ABCA1: variants seen among roughly 807,000 people sequenced by gnomAD.
The protein encoded by ABCA1 is ATP binding cassette subfamily A member 1.
In ABCA1, 133 loss-of-function variants were observed where a neutral mutation model predicts 262.5. The observed-to-expected ratio is 0.51, with a 90% CI of 0.44 to 0.59. The LOEUF is 0.59. ABCA1 is among the 20% of genes least tolerant of loss of function. The pLI is 0.00. For missense variants in ABCA1, 2,452 were observed against 2,777.5 expected, an observed-to-expected ratio of 0.88 and a Z score of 2.63; for synonymous variants, 1,022 against 1,043.5, an observed-to-expected ratio of 0.98 and a Z score of 0.40.
intron 1 of ABCA1, among the ~76,000 whole-genome samples, chr9:104,922,712 A>G (rs1842205794): frequency 6.6e-6 from 1 of 152,180 alleles, no homozygotes; most frequent in South Asian, 2.1e-4. Context: ...CACTTTTACA[A>G]GGCAGACATT....
intron 2 of ABCA1, among the ~76,000 whole-genome samples, chr9:104,896,709 A>ATTT (rs1564270342): frequency 3.8e-5 from 3 of 78,268 alleles, no homozygotes; most frequent in African/African-American, 1.6e-4. Flanking sequence ...CTCCCTACAC[A>ATTT]TCTTTTTTTT....
At chr9:104,861,594 G>A (rs181228520) in intron 6 of ABCA1, 85 bp downstream of exon 6, 231 of 1,566,396 alleles carry the variant, frequency 1.5e-4, no homozygotes, top group Non-Finnish European at 1.9e-4. Context: ...CCATTACAAG[G>A]ACAAGGGTTT....
chr9:104,855,594 C>G (rs1353131191), intron 7 of ABCA1: 2 of 1,300,308 alleles, frequency 1.5e-6, no homozygotes, highest in South Asian at 1.7e-5. Flanking sequence ...TATTGAGCAC[C>G]TATTGTGTGC....
chr9:104,826,104 A>G (rs1832789298), intron 16 of ABCA1, among the ~76,000 whole-genome samples: 1 of 152,218 alleles, frequency 6.6e-6, no homozygotes. Context: ...TTATATACAA[A>G]CATTTCAGAA....
chr9:104,879,737 T>C (rs1838465608), intron 5 of ABCA1, among the ~76,000 whole-genome samples: 1 of 152,208 alleles, frequency 6.6e-6, no homozygotes, highest in South Asian at 2.1e-4. Flanking sequence ...AAATGCCTAA[T>C]ACAATCTCAG....
intron 49 of ABCA1, among the ~76,000 whole-genome samples, chr9:104,784,707 G>A (rs1361444241): frequency 1.3e-5 from 2 of 152,152 alleles, no homozygotes; most frequent in Non-Finnish European, 2.9e-5. Context: ...GCAGTGGCGA[G>A]ACCTTGGCTC....
intron 1 of ABCA1, among the ~76,000 whole-genome samples, chr9:104,904,237 A>AT (rs34198118): frequency 6.6e-6 from 1 of 152,098 alleles, no homozygotes. Context: ...TTACATACTA[A>AT]TTTTCAGTGG....
chr9:104,794,517 A>AAAAT lies in ABCA1; in HGVS notation c.5383-8_5383-7insATTT. On this transcript the variant is annotated splice_polypyrimidine_tract_variant and splice_region_variant and intron_variant, in intron 39 of 49. Transcript: ENST00000374736. ...CATTGATATTATTCAGCTTCTAAAA[A>AAAAT]AAAAAAAAAAAAATGGGAGGGAAGG... The AAAAT allele has an allele frequency of 6.2e-7, 1 of 1,603,624 alleles. No individual in the cohort carries two copies. The highest frequency in any genetic ancestry group is 1.1e-5 in the South Asian group (1 of 90,556).
intron 2 of ABCA1, among the ~76,000 whole-genome samples, chr9:104,896,709 A>ATTTTTTTTTT (rs1564270342): frequency 7.7e-5 from 6 of 78,274 alleles, no homozygotes; most frequent in African/African-American, 3.2e-4. Context: ...CTCCCTACAC[A>ATTTTTTTTTT]TCTTTTTTTT....
At chr9:104,922,659 T>C (rs1842201920) in intron 1 of ABCA1, among the ~76,000 whole-genome samples, 1 of 152,230 alleles carries the variant, frequency 6.6e-6, no homozygotes. Flanking sequence ...TATTTCTAAT[T>C]CATTACACCA....
At chr9:104,833,606 C>T (rs1025243704) in intron 11 of ABCA1, among the ~76,000 whole-genome samples, 3 of 152,188 alleles carry the variant, frequency 2.0e-5, no homozygotes, top group African/African-American at 7.2e-5. Context: ...CCCTCTGTTT[C>T]TAGTGCACCT....
chr9:104,786,127 T>A (rs1828909408), intron 48 of ABCA1, among the ~76,000 whole-genome samples, 171 bp downstream of exon 48: 1 of 152,226 alleles, frequency 6.6e-6, no homozygotes. Context: ...CAGTAAATGG[T>A]AAAGACAGAA....
chr9:104,898,402 G>T (rs1306869329), intron 2 of ABCA1, among the ~76,000 whole-genome samples: 1 of 151,872 alleles, frequency 6.6e-6, no homozygotes, highest in Non-Finnish European at 1.5e-5. Context: ...ACAAAAATTA[G>T]CTGGGCATGG....
intron 23 of ABCA1, among the ~76,000 whole-genome samples, chr9:104,818,035 A>G (rs1474079614): frequency 1.3e-5 from 2 of 152,242 alleles, no homozygotes; most frequent in East Asian, 3.9e-4. Context: ...TGGTCCCACC[A>G]CTGTTATTTA....
At chr9:104,815,545 T>C (rs1831668435) in intron 25 of ABCA1, among the ~76,000 whole-genome samples, 1 of 152,176 alleles carries the variant, frequency 6.6e-6, no homozygotes, top group Non-Finnish European at 1.5e-5. Context: ...TCAGCATTCC[T>C]GAGTGTTCAT....
Position 104,782,871 on chromosome 9 carries a change from C to G in ABCA1, c.*1444G>C, listed in dbSNP as rs968922033. The G allele has an allele frequency of 1.3e-5, 2 of 151,548 alleles. No homozygotes were observed. Among genetic ancestry groups the G allele is most frequent in the Non-Finnish European group, 2.9e-5 (2 of 67,858 alleles). The allele number at this position is 151,548 out of a possible 1,614,324, so 9.4% of individuals were successfully genotyped here. The stretch of plus-strand genomic sequence containing the variant: ...ATTAAAAAAAAAAAAAAAAAGGCTG[C>G]CCAGTATTGTTACAGTGGGCTCCTA... On this transcript the variant is annotated 3_prime_UTR_variant, in exon 50 of 50. Transcript: ENST00000374736.
intron 5 of ABCA1, among the ~76,000 whole-genome samples, chr9:104,880,113 C>T (rs1342834366): frequency 6.6e-6 from 1 of 152,104 alleles, no homozygotes; most frequent in African/African-American, 2.4e-5. Context: ...TAGATCCCCG[C>T]CCTGGGAAGG....
In ABCA1 at chr9:104,817,255, TCTC is replaced by T; in HGVS notation, c.3535+74_3535+76del. 3 of 1,611,194 alleles carry T rather than the reference TCTC, an allele frequency of 1.9e-6. No individual in the cohort carries two copies. Among genetic ancestry groups the T allele is most frequent in the South Asian group, 2.2e-5 (2 of 90,872 alleles). The stretch of plus-strand genomic sequence containing the variant: ...AGTCAGCGCCACCAGCCTCTGCACC[TCTC>T]CTCCTCTGCCTCCACTCTGCCCAGC... On this transcript the variant is annotated intron_variant, in intron 24 of 49. Coordinates refer to ENST00000374736, the MANE Select transcript of ABCA1 (RefSeq NM_005502.4). This position sits in a 1 kb window ranked among gnomAD's most constrained non-coding sequence, Gnocchi z 4.7.
At chr9:104,821,732 T>C (rs762982177) in intron 19 of ABCA1, among the ~76,000 whole-genome samples, 1 of 152,246 alleles carries the variant, frequency 6.6e-6, no homozygotes, top group Non-Finnish European at 1.5e-5. Flanking sequence ...TGAGCATTTT[T>C]TAAACGAAGT....
Sources: gnomAD v4.1 joint callset for allele counts (sites outside exome capture counted in the v4.1 genomes callset) on GRCh38, gnomAD v4.1.1 for gene constraint, Gnocchi (gnomAD v3.1) non-coding constraint, MANE v1.5 for transcripts, NCBI Gene and HGNC (gene_info 2026-07-23, HGNC 2026-07-21) for gene names.